Variants in RBFOX1 observed in about 807,000 individuals in gnomAD.
RBFOX1 encodes the protein RNA binding fox-1 homolog 1, also known as RNA binding protein fox-1 homolog 1.
RBFOX1 carries 8 observed loss-of-function variants against 57.7 expected under a neutral mutation model. The ratio of observed to expected loss-of-function variants is 0.14; its 90% CI spans 0.08 to 0.25. The LOEUF is 0.25. Among genes scored for constraint, RBFOX1 ranks in the 10% least tolerant of loss-of-function variants. RBFOX1 has a pLI of 1.00. For missense variants in RBFOX1, 611 were observed against 548.5 expected (o/e 1.11, Z -1.14); for synonymous variants, 326 against 222.4 (o/e 1.47, Z -4.15).
At chr16:6,266,419 C>G (rs894665745) in intron 1 of RBFOX1, among the ~76,000 whole-genome samples, 1 of 152,020 alleles carries the variant, frequency 6.6e-6, no homozygotes, top group Non-Finnish European at 1.5e-5. Flanking sequence ...GTCTTAGAAT[C>G]TATTTACTAA....
chr16:6,398,693 C>T (rs2092941060), intron 2 of RBFOX1, among the ~76,000 whole-genome samples: 1 of 152,240 alleles, frequency 6.6e-6, no homozygotes, highest in Non-Finnish European at 1.5e-5. Flanking sequence ...TGGCCTTGGG[C>T]AGCTCTGCCC....
At chr16:7,320,936 C>G (rs2096533567) in intron 4 of RBFOX1, among the ~76,000 whole-genome samples, 1 of 152,122 alleles carries the variant, frequency 6.6e-6, no homozygotes, top group Non-Finnish European at 1.5e-5. Context: ...TTTCAGAGCC[C>G]AAATTTGGAC....
At chr16:5,875,946 T>C (rs1205747569) in intron 4 of RBFOX1, among the ~76,000 whole-genome samples, 1 of 151,800 alleles carries the variant, frequency 6.6e-6, no homozygotes, top group African/African-American at 2.4e-5. Flanking sequence ...CAGCTTCATG[T>C]CATTCTCCTG....
intron 3 of RBFOX1, among the ~76,000 whole-genome samples, chr16:6,717,592 T>G (rs79776165): frequency 0.029 from 4,361 of 152,162 alleles, 199 homozygotes; most frequent in African/African-American, 0.098. Context: ...TCTTTTTTTT[T>G]TTTTTACCCA....
chr16:7,672,456 T>C (rs1235203430), intron 13 of RBFOX1, among the ~76,000 whole-genome samples: 1 of 152,156 alleles, frequency 6.6e-6, no homozygotes, highest in African/African-American at 2.4e-5. Flanking sequence ...AAAACCTGAA[T>C]GTGAGAAAGA....
intron 3 of RBFOX1, among the ~76,000 whole-genome samples, chr16:6,941,846 T>C (rs1338033052): frequency 6.6e-6 from 1 of 152,108 alleles, no homozygotes. Flanking sequence ...CCCTAACTCT[T>C]TCCCATCTGG....
chr16:6,915,388 G>A (rs954509547), intron 3 of RBFOX1, among the ~76,000 whole-genome samples: 2 of 152,130 alleles, frequency 1.3e-5, no homozygotes, highest in Admixed American at 1.3e-4. Flanking sequence ...AGCTTCCCAA[G>A]CATGTCACTT....
chr16:5,432,559 G>GTTTTTTTTTTTTTTTTTTTTTTTTT (rs35344614), intron 1 of RBFOX1, among the ~76,000 whole-genome samples: 2 of 94,224 alleles, frequency 2.1e-5, no homozygotes, highest in African/African-American at 4.0e-5. Flanking sequence ...TTGTTTGTTT[G>GTTTTTTTTTTTTTTTTTTTTTTTTT]TTTTTTTTTT....
chr16:5,809,588 G>C (rs8051672), intron 3 of RBFOX1, among the ~76,000 whole-genome samples: 2 of 152,034 alleles, frequency 1.3e-5, no homozygotes, highest in South Asian at 4.1e-4. Context: ...TCACCATCAC[G>C]GGCCATCAGA....
chr16:6,405,705 A>G (rs76999724), intron 2 of RBFOX1, among the ~76,000 whole-genome samples: 66 of 152,290 alleles, frequency 4.3e-4, no homozygotes, highest in African/African-American at 5.5e-4. Flanking sequence ...GACCCTATAC[A>G]TGACAAACTG....
intron 1 of RBFOX1, among the ~76,000 whole-genome samples, chr16:5,324,277 A>G (rs2064498041): frequency 6.6e-6 from 1 of 152,236 alleles, no homozygotes; most frequent in South Asian, 2.1e-4. Context: ...AGCCCGGCCA[A>G]CATGGTGAAA....
At chr16:7,033,728 T>A (rs1329552360) in intron 3 of RBFOX1, among the ~76,000 whole-genome samples, 4 of 151,988 alleles carry the variant, frequency 2.6e-5, no homozygotes, top group African/African-American at 4.8e-5. Context: ...GCGTGGCGAC[T>A]TATGCCTGTA....
chr16:7,276,161 C>G lies in RBFOX1; in HGVS notation c.27+224063C>G, dbSNP rs2095436077. On this transcript the variant is annotated intron_variant, in intron 4 of 15. Transcript: ENST00000550418. ...TGCAAGGTGGCGATTCTGAAATACC[C>G]CTTGGAAGGACCATGCCAAGTCTGA... Among the ~76,000 whole-genome samples the G allele has an allele frequency of 2.0e-5, 3 of 152,266 alleles. No individual in the cohort carries two copies. The South Asian group carries it at 6.2e-4, about 32-fold the overall frequency.
At chr16:7,138,203 G>C (rs991976072) in intron 4 of RBFOX1, among the ~76,000 whole-genome samples, 1 of 152,184 alleles carries the variant, frequency 6.6e-6, no homozygotes, top group Non-Finnish European at 1.5e-5. Flanking sequence ...GGGGCAATGA[G>C]GATGGCGAAA....
chr16:7,286,612 G>A (rs2141360762), intron 4 of RBFOX1, among the ~76,000 whole-genome samples: 1 of 144,638 alleles, frequency 6.9e-6, no homozygotes, highest in African/African-American at 2.6e-5. Context: ...ACCAGGACTG[G>A]CTAATTTTTT....
At chr16:6,790,096 A>T (rs2082649895) in intron 3 of RBFOX1, among the ~76,000 whole-genome samples, 1 of 148,876 alleles carries the variant, frequency 6.7e-6, no homozygotes, top group Non-Finnish European at 1.5e-5. Flanking sequence ...ATTATATTGA[A>T]ATTTTTCATG....
At chr16:6,035,238 A>G (rs1178030846) in intron 1 of RBFOX1, among the ~76,000 whole-genome samples, 4 of 152,222 alleles carry the variant, frequency 2.6e-5, no homozygotes. Flanking sequence ...CATCTGTAGC[A>G]TAACACCAGA....
chr16:7,686,461 G>C (rs189152322), intron 14 of RBFOX1, among the ~76,000 whole-genome samples: 6 of 152,152 alleles, frequency 3.9e-5, no homozygotes, highest in Non-Finnish European at 8.8e-5. Context: ...CAATCTCCCA[G>C]TATAAACCCA....
intron 4 of RBFOX1, among the ~76,000 whole-genome samples, chr16:7,479,775 T>C (rs889647104): frequency 1.5e-4 from 23 of 152,162 alleles, no homozygotes; most frequent in African/African-American, 5.6e-4. Context: ...TGGCATCAGC[T>C]CCACATTCTC....
Sources: allele counts gnomAD v4.1 joint callset (sites outside exome capture counted in the v4.1 genomes callset), GRCh38; gene constraint gnomAD v4.1.1; transcripts MANE v1.5; gene names NCBI Gene and HGNC (gene_info 2026-07-23, HGNC 2026-07-21).